LEMD3: variants seen among roughly 807,000 people sequenced by gnomAD.
LEMD3 encodes inner nuclear membrane protein Man1.
A neutral mutation model predicts 95.2 loss-of-function variants in LEMD3; 33 were observed. The observed-to-expected ratio is 0.35, with a 90% confidence interval of 0.26 to 0.46. The LOEUF is 0.46. Ranked by LOEUF, LEMD3 falls within the 20% of genes least tolerant of loss-of-function variation. The pLI is 1.00. For synonymous variants in LEMD3, 525 were observed against 474.6 expected (o/e 1.11, Z -1.38); for missense variants, 1,210 against 1,192.8 (o/e 1.01, Z -0.21).
At chr12:65,189,355 A>G (rs1272818819) in intron 1 of LEMD3, among the ~76,000 whole-genome samples, 1 of 152,146 alleles carries the variant, frequency 6.6e-6, no homozygotes, top group East Asian at 1.9e-4. Flanking sequence ...GCTAGAACAA[A>G]CCATAAACTC....
chr12:65,246,501 A>C lies in LEMD3; in HGVS notation c.*176A>C. 1.6e-6 allele frequency: 1 copy of C among 617,486 alleles called. No homozygotes were observed. The highest frequency in any genetic ancestry group is 2.0e-5 in the South Asian group (1 of 50,912). 38.3% of individuals were successfully genotyped at this position (617,486 alleles called of 1,614,324 possible). A position where few individuals can be genotyped will look rare whatever the true frequency, so the allele number is the denominator to read the frequency against. ...ATTTAGCAGTGAGGCAGCAATGCTGAGTAGGTAGGATAATTATTTCATTCA... is the reference window on the plus strand; with the variant it reads ...ATTTAGCAGTGAGGCAGCAATGCTGCGTAGGTAGGATAATTATTTCATTCA... On this transcript the variant is annotated 3_prime_UTR_variant, in exon 13 of 13. Coordinates refer to ENST00000308330, the MANE Select transcript of LEMD3 (RefSeq NM_014319.5).
At chr12:65,237,703 T>C (rs1870812468) in intron 4 of LEMD3, among the ~76,000 whole-genome samples, 1 of 152,230 alleles carries the variant, frequency 6.6e-6, no homozygotes, top group African/African-American at 2.4e-5. Flanking sequence ...TGGAAAGGTC[T>C]TCAAGTATTG....
At chr12:65,221,602 T>A (rs2136343071) in intron 4 of LEMD3, among the ~76,000 whole-genome samples, 1 of 152,268 alleles carries the variant, frequency 6.6e-6, no homozygotes, top group East Asian at 1.9e-4. Flanking sequence ...ATAAATTTAC[T>A]TCTTTCTGAT....
chr12:65,231,668 C>G (rs1870633838), intron 4 of LEMD3, among the ~76,000 whole-genome samples: 1 of 151,648 alleles, frequency 6.6e-6, no homozygotes, highest in Non-Finnish European at 1.5e-5. Context: ...GAGCCTGTCT[C>G]AAAAATAAGT....
In LEMD3 at chr12:65,240,927, C is replaced by A. The variant is rs534883939; in HGVS notation, c.2145C>A (p.Val715=). Residue 715 remains valine, a synonymous_variant, in exon 9 of 13, where the codon GTC becomes GTA. Transcript: ENST00000308330. ...ATGATAGGAAAAAAATGAAGAAAGT[C>A]TGGGATAGAGCTGTTGACTTCCTTG... ...QPHDRKKMKK[V]WDRAVDFLAA... is the part of the protein sequence containing the mutation. The A allele has an allele frequency of 1.5e-5, 25 of 1,613,936 alleles. No homozygotes were observed. In the South Asian group the frequency reaches 2.5e-4, roughly 16 times the overall value.
At chr12:65,201,663 A>C (rs573088046) in intron 1 of LEMD3, among the ~76,000 whole-genome samples, 1 of 152,288 alleles carries the variant, frequency 6.6e-6, no homozygotes, top group South Asian at 2.1e-4. Flanking sequence ...CTTGCTTATT[A>C]GTTCCAGGAG....
intron 1 of LEMD3, among the ~76,000 whole-genome samples, chr12:65,178,683 G>A (rs946855617): frequency 3.9e-5 from 6 of 152,122 alleles, no homozygotes; most frequent in Admixed American, 3.9e-4. Context: ...TATGAGGTAG[G>A]TACTTATCCC....
At position 65,245,902 on chromosome 12, in the gene LEMD3, A is replaced by T. The variant is rs748387291; in HGVS notation, c.2535A>T (p.Gly845=). 1 of 1,613,074 alleles carries T rather than the reference A, an allele frequency of 6.2e-7. No individual in the cohort carries two copies. Among genetic ancestry groups the T allele is most frequent in the South Asian group, 1.1e-5 (1 of 91,052 alleles). ...AATGTCTGTCTCCAGAATATGCTGGAAAGGCTTTTAAAGCATTGCATGGCT... is the reference window on the plus strand; with the variant it reads ...AATGTCTGTCTCCAGAATATGCTGGTAAGGCTTTTAAAGCATTGCATGGCT... ...YVKCLSPEYA[G]KAFKALHGSW... is the part of the protein sequence containing the mutation. Residue 845 remains glycine (G), a synonymous_variant, in exon 12 of 13, where the codon GGA becomes GGT. Coordinates refer to ENST00000308330, the MANE Select transcript of LEMD3 (RefSeq NM_014319.5).
chr12:65,229,830 T>C (rs1870568138), intron 4 of LEMD3, among the ~76,000 whole-genome samples: 1 of 152,236 alleles, frequency 6.6e-6, no homozygotes, highest in Non-Finnish European at 1.5e-5. Context: ...GCAGAATCTT[T>C]TATTTTGCTA....
At chr12:65,204,227 C>A (rs921298584) in intron 1 of LEMD3, among the ~76,000 whole-genome samples, 5 of 149,932 alleles carry the variant, frequency 3.3e-5, no homozygotes, top group African/African-American at 1.2e-4. Context: ...AGTTTTGTTA[C>A]ACAGATAAAC....
chr12:65,233,008 G>A (rs1870674541), intron 4 of LEMD3, among the ~76,000 whole-genome samples: 1 of 152,154 alleles, frequency 6.6e-6, no homozygotes, highest in Non-Finnish European at 1.5e-5. Flanking sequence ...GTTCTGAGAA[G>A]TGGAGTGAGG....
At chr12:65,210,430 C>A (rs1869901581) in intron 1 of LEMD3, among the ~76,000 whole-genome samples, 2 of 152,078 alleles carry the variant, frequency 1.3e-5, no homozygotes, top group South Asian at 4.1e-4. Context: ...AAGGTAGAAA[C>A]AAATGATATA....
At chr12:65,204,678 C>T (rs1239139737) in intron 1 of LEMD3, among the ~76,000 whole-genome samples, 2 of 152,006 alleles carry the variant, frequency 1.3e-5, no homozygotes, top group African/African-American at 4.8e-5. Context: ...GATTTATATT[C>T]CTTTGGGTAT....
At chr12:65,206,835 TATATA>T (rs1318645116) in intron 1 of LEMD3, among the ~76,000 whole-genome samples, 1 of 152,158 alleles carries the variant, frequency 6.6e-6, no homozygotes, top group African/African-American at 2.4e-5. Context: ...TTTGATGCAT[TATATA>T]ATAACCAAAT....
intron 4 of LEMD3, among the ~76,000 whole-genome samples, chr12:65,223,349 G>A (rs980733743): frequency 1.5e-5 from 2 of 130,876 alleles, no homozygotes; most frequent in East Asian, 2.3e-4. Context: ...TGTCACCCAC[G>A]CTTGAGTGCA....
At chr12:65,173,954 C>T (rs1457285234) in intron 1 of LEMD3, among the ~76,000 whole-genome samples, 2 of 152,066 alleles carry the variant, frequency 1.3e-5, no homozygotes, top group African/African-American at 2.4e-5. Flanking sequence ...TATATATATA[C>T]ACACACATAC....
At chr12:65,193,048 T>C (rs1393044756) in intron 1 of LEMD3, among the ~76,000 whole-genome samples, 1 of 152,198 alleles carries the variant, frequency 6.6e-6, no homozygotes, top group Non-Finnish European at 1.5e-5. Flanking sequence ...TGCTGTATAA[T>C]ACATGATGCT....
At chr12:65,202,571 G>C (rs989161860) in intron 1 of LEMD3, among the ~76,000 whole-genome samples, 13 of 152,106 alleles carry the variant, frequency 8.5e-5, no homozygotes, top group Admixed American at 2.0e-4. Flanking sequence ...TCTTTGTCTA[G>C]TTTTGGTATT....
At chr12:65,212,760 CTTATT>C (rs1237507508) in intron 2 of LEMD3, among the ~76,000 whole-genome samples, 1 of 152,014 alleles carries the variant, frequency 6.6e-6, no homozygotes, top group Non-Finnish European at 1.5e-5. Flanking sequence ...TATTTGAAAG[CTTATT>C]TTATGTATTT....
Sources: allele counts gnomAD v4.1 joint callset (sites outside exome capture counted in the v4.1 genomes callset), GRCh38; gene constraint gnomAD v4.1.1; transcripts MANE v1.5; gene names NCBI Gene and HGNC (gene_info 2026-07-23, HGNC 2026-07-21).